The following KIAA1328 variants were observed in gnomAD, a reference collection of about 807,000 sequenced individuals.
The protein encoded by KIAA1328 is KIAA1328.
In KIAA1328, 52 loss-of-function variants were observed where a neutral mutation model predicts 68.1. The observed-to-expected ratio is 0.76, with a 90% CI of 0.61 to 0.96. The LOEUF (loss-of-function observed/expected upper bound fraction) is 0.96, where lower values mean the gene tolerates loss of function less well. KIAA1328 is among the 40% of genes least tolerant of loss of function. The pLI, the probability that KIAA1328 is intolerant of heterozygous loss-of-function variation, is 0.00. For synonymous variants in KIAA1328, 232 were observed against 239.4 expected, an observed-to-expected ratio of 0.97 and a Z score of 0.28; for missense variants, 641 against 677.6, an observed-to-expected ratio of 0.95 and a Z score of 0.60.
rs556281153 is a variant in KIAA1328 at position 36,867,848 on chromosome 18, T to G, written c.333-17709T>G. ...AGACAGTAGTAACAAGCTCAGCATA[T>G]TATGTGTCTAAGAATAAAAACAAAT... On this transcript the variant is annotated intron_variant, in intron 4 of 9. Coordinates refer to ENST00000280020, the MANE Select transcript of KIAA1328 (RefSeq NM_020776.3). 3.3e-5 allele frequency among the ~76,000 whole-genome samples: 5 copies of G among 152,344 alleles called. No homozygotes were observed. In the South Asian group the frequency reaches 1.0e-3, roughly 32 times the overall value.
chr18:37,161,723 C>T (rs2059282878), intron 8 of KIAA1328, among the ~76,000 whole-genome samples: 1 of 152,186 alleles, frequency 6.6e-6, no homozygotes, highest in Non-Finnish European at 1.5e-5. Context: ...GGTTACACTG[C>T]AAGGCTTAAC....
At chr18:37,169,373 G>T (rs1026263634) in intron 8 of KIAA1328, among the ~76,000 whole-genome samples, 1 of 151,880 alleles carries the variant, frequency 6.6e-6, no homozygotes, top group Non-Finnish European at 1.5e-5. Flanking sequence ...CACTATGTTG[G>T]CCAGGCTGGT....
At chr18:36,869,869 T>C (rs1202803765) in intron 4 of KIAA1328, among the ~76,000 whole-genome samples, 6 of 152,162 alleles carry the variant, frequency 3.9e-5, no homozygotes, top group Admixed American at 3.9e-4. Flanking sequence ...AAAGTGTTTA[T>C]TCTTTTTTTT....
intron 6 of KIAA1328, among the ~76,000 whole-genome samples, chr18:37,056,823 A>G (rs751114848): frequency 4.6e-5 from 7 of 151,926 alleles, no homozygotes; most frequent in Non-Finnish European, 8.8e-5. Flanking sequence ...GCTAATTTTC[A>G]GTTAAGATGG....
At chr18:36,928,827 C>T (rs957452000) in intron 5 of KIAA1328, among the ~76,000 whole-genome samples, 15 of 152,208 alleles carry the variant, frequency 9.9e-5, no homozygotes, top group African/African-American at 3.4e-4. Flanking sequence ...GCCCCCTTCT[C>T]TCACTGTGTC....
intron 7 of KIAA1328, among the ~76,000 whole-genome samples, chr18:37,115,719 A>T (rs2058086654): frequency 6.6e-6 from 1 of 152,210 alleles, no homozygotes; most frequent in African/African-American, 2.4e-5. Flanking sequence ...AGAGGAAGTC[A>T]AATTGTCCCT....
intron 5 of KIAA1328, among the ~76,000 whole-genome samples, chr18:36,920,436 C>A (rs2151104852): frequency 6.6e-6 from 1 of 152,044 alleles, no homozygotes; most frequent in Middle Eastern, 3.4e-3. Flanking sequence ...CAGTACTGTG[C>A]CATTTTGGTT....
At chr18:37,141,817 T>C (rs931088621) in intron 7 of KIAA1328, among the ~76,000 whole-genome samples, 3 of 152,248 alleles carry the variant, frequency 2.0e-5, no homozygotes, top group Admixed American at 6.5e-5. Context: ...GGTTTTAGTG[T>C]GCAGTTCTCC....
intron 6 of KIAA1328, among the ~76,000 whole-genome samples, chr18:37,031,015 T>C (rs991338652): frequency 1.3e-5 from 2 of 152,188 alleles, no homozygotes; most frequent in Non-Finnish European, 2.9e-5. Flanking sequence ...CATGAACTCA[T>C]CATTTTTTAT....
At chr18:36,891,331 G>A (rs1379063247) in intron 5 of KIAA1328, among the ~76,000 whole-genome samples, 1 of 152,030 alleles carries the variant, frequency 6.6e-6, no homozygotes, top group Admixed American at 6.6e-5. Flanking sequence ...TAGTTTTTGA[G>A]GTACAAGTGG....
At chr18:37,119,097 A>G (rs1298806985) in intron 7 of KIAA1328, among the ~76,000 whole-genome samples, 1 of 152,218 alleles carries the variant, frequency 6.6e-6, no homozygotes, top group African/African-American at 2.4e-5. Context: ...ATGCTATGTG[A>G]ACTGCCAATA....
chr18:36,948,101 G>A (rs1178396670), intron 5 of KIAA1328, among the ~76,000 whole-genome samples: 1 of 152,010 alleles, frequency 6.6e-6, no homozygotes, highest in Non-Finnish European at 1.5e-5. Context: ...GTCAGTTGAG[G>A]GGCTTAGAGT....
chr18:37,057,708 T>C (rs2055973575), intron 6 of KIAA1328, among the ~76,000 whole-genome samples: 1 of 152,084 alleles, frequency 6.6e-6, no homozygotes, highest in African/African-American at 2.4e-5. Context: ...GTGCTGGGAT[T>C]ACAGGCATGA....
intron 6 of KIAA1328, among the ~76,000 whole-genome samples, chr18:36,983,214 T>C (rs1280940412): frequency 1.3e-5 from 2 of 152,000 alleles, no homozygotes; most frequent in Non-Finnish European, 2.9e-5. Flanking sequence ...GACACAAATA[T>C]AAACTGCCTG....
chr18:37,130,740 A>G (rs1030563535), intron 7 of KIAA1328, among the ~76,000 whole-genome samples: 20 of 152,250 alleles, frequency 1.3e-4, no homozygotes, highest in African/African-American at 4.1e-4. Context: ...CATTTGAACA[A>G]GAGCTCTTAA....
intron 4 of KIAA1328, among the ~76,000 whole-genome samples, chr18:36,846,132 T>G (rs963934373): frequency 6.6e-6 from 1 of 151,644 alleles, no homozygotes; most frequent in African/African-American, 2.4e-5. Flanking sequence ...GAAACTGTTT[T>G]CTTTGCTTTC....
At chr18:36,958,906 G>A (rs954694752) in intron 5 of KIAA1328, among the ~76,000 whole-genome samples, 1 of 151,544 alleles carries the variant, frequency 6.6e-6, no homozygotes. Flanking sequence ...CTAATCCAAG[G>A]TCACAAAGAT....
At chr18:37,006,856 C>T (rs2053803251) in intron 6 of KIAA1328, among the ~76,000 whole-genome samples, 1 of 152,114 alleles carries the variant, frequency 6.6e-6, no homozygotes, top group African/African-American at 2.4e-5. Flanking sequence ...GACAGAGTAC[C>T]TGTCACAAAG....
intron 5 of KIAA1328, among the ~76,000 whole-genome samples, chr18:36,908,196 T>G (rs1287469309): frequency 6.6e-6 from 1 of 152,206 alleles, no homozygotes; most frequent in Non-Finnish European, 1.5e-5. Flanking sequence ...AGTTGTTTTC[T>G]TCTTATGGAG....
Sources: gnomAD v4.1 joint callset for allele counts (sites outside exome capture counted in the v4.1 genomes callset) on GRCh38, gnomAD v4.1.1 for gene constraint, MANE v1.5 for transcripts, NCBI Gene and HGNC (gene_info 2026-07-23, HGNC 2026-07-21) for gene names.